RGS7: variants seen among roughly 807,000 people sequenced by gnomAD.
The protein encoded by RGS7 is regulator of G-protein signaling 7.
In RGS7, 27 loss-of-function variants were observed where a neutral mutation model predicts 81.1. The observed-to-expected ratio is 0.33, with a 90% CI of 0.25 to 0.46. RGS7 has a LOEUF of 0.46. RGS7 is among the 20% of genes least tolerant of loss of function. RGS7 has a pLI of 1.00. For synonymous variants in RGS7, 208 were observed against 207.7 expected (o/e 1.00, Z -0.01); for missense variants, 396 against 607.4 (o/e 0.65, Z 3.66).
At chr1:241,208,050 C>T (rs746991780) in intron 2 of RGS7, among the ~76,000 whole-genome samples, 2 of 152,014 alleles carry the variant, frequency 1.3e-5, no homozygotes, top group Non-Finnish European at 2.9e-5. Context: ...GGAATACAGG[C>T]GCCCGCCACT....
chr1:240,798,441 T>C (rs1315844944), intron 18 of RGS7, among the ~76,000 whole-genome samples: 2 of 152,126 alleles, frequency 1.3e-5, no homozygotes, highest in Admixed American at 6.5e-5. Context: ...TAGGCACGCA[T>C]TGGAAATGGA....
intron 2 of RGS7, among the ~76,000 whole-genome samples, chr1:241,101,296 G>C (rs987703223): frequency 1.8e-4 from 27 of 152,154 alleles, no homozygotes; most frequent in Admixed American, 1.8e-3. Flanking sequence ...AAGAGTTCCA[G>C]ACCAGCCTGG....
intron 10 of RGS7, among the ~76,000 whole-genome samples, chr1:240,825,706 G>C (rs1453985311): frequency 6.6e-6 from 1 of 152,110 alleles, no homozygotes; most frequent in Non-Finnish European, 1.5e-5. Flanking sequence ...TTAAATGAGG[G>C]CTGATGGTAT....
At chr1:241,324,123 A>G (rs899336919) in intron 2 of RGS7, among the ~76,000 whole-genome samples, 1 of 152,228 alleles carries the variant, frequency 6.6e-6, no homozygotes. Flanking sequence ...GATCAGGAGC[A>G]TGATGGTGAC....
chr1:241,157,399 T>C (rs115273622), intron 2 of RGS7, among the ~76,000 whole-genome samples: 32 of 152,310 alleles, frequency 2.1e-4, no homozygotes, highest in African/African-American at 7.5e-4. Context: ...TCCCCCTACA[T>C]AGGCTTCCCT....
At chr1:240,988,582 C>A (rs2148580333) in intron 3 of RGS7, among the ~76,000 whole-genome samples, 1 of 152,222 alleles carries the variant, frequency 6.6e-6, no homozygotes, top group South Asian at 2.1e-4. Context: ...CTAAGAATAA[C>A]ATTTTGTTTA....
chr1:241,100,243 C>T (rs2064624585), intron 2 of RGS7, among the ~76,000 whole-genome samples: 1 of 151,902 alleles, frequency 6.6e-6, no homozygotes, highest in Non-Finnish European at 1.5e-5. Context: ...GGCGCGGTGG[C>T]AGGCGCCTGT....
intron 6 of RGS7, chr1:240,920,172 T>G (rs1572765867): frequency 9.8e-7 from 1 of 1,015,684 alleles, no homozygotes; most frequent in East Asian, 2.4e-5. Context: ...TGGCCACAAC[T>G]GTGAAGTTAG....
intron 6 of RGS7, among the ~76,000 whole-genome samples, chr1:240,895,516 C>G (rs975484983): frequency 3.3e-5 from 5 of 152,056 alleles, no homozygotes; most frequent in African/African-American, 1.2e-4. Context: ...CAATTCCCAC[C>G]TATGAGTGAG....
chr1:240,911,614 A>G (rs941711784), intron 6 of RGS7, among the ~76,000 whole-genome samples: 1 of 152,204 alleles, frequency 6.6e-6, no homozygotes, highest in Non-Finnish European at 1.5e-5. Context: ...CTATAGCTAA[A>G]CATCCAGCTA....
rs146992753 is a variant in RGS7 at position 241,144,258 on chromosome 1, C to A, written c.79-45496G>T. 6.6e-6 allele frequency among the ~76,000 whole-genome samples: 1 copy of A among 152,072 alleles called. No homozygotes were observed. The highest frequency in any genetic ancestry group is 2.1e-4 in the South Asian group (1 of 4,826). On this transcript the variant is annotated intron_variant, in intron 2 of 18. Coordinates refer to ENST00000440928, the MANE Select transcript of RGS7 (RefSeq NM_001364886.1). This position sits in a 1 kb window ranked among gnomAD's most constrained non-coding sequence, Gnocchi z 4.7. ...ATCCAAATTGACATACATGTGCTGG[C>A]GCATATGTTGTTTATTTCTCTGCTG...
chr1:240,956,364 T>C (rs1680418174), intron 4 of RGS7, among the ~76,000 whole-genome samples: 1 of 125,292 alleles, frequency 8.0e-6, no homozygotes, highest in Non-Finnish European at 1.6e-5. Context: ...TATCCCAAAG[T>C]ACCAAAAACA....
intron 2 of RGS7, among the ~76,000 whole-genome samples, chr1:241,236,029 G>A (rs1248426081): frequency 6.6e-6 from 1 of 151,516 alleles, no homozygotes. Flanking sequence ...CATTTTATTT[G>A]TTCACATGTT....
chr1:240,862,462 C>T (rs1203277852), intron 9 of RGS7, among the ~76,000 whole-genome samples: 1 of 152,036 alleles, frequency 6.6e-6, no homozygotes, highest in East Asian at 1.9e-4. Flanking sequence ...AATAAATGCT[C>T]GTGTCAAATC....
intron 18 of RGS7, among the ~76,000 whole-genome samples, chr1:240,790,180 C>T (rs932884180): frequency 4.6e-5 from 7 of 151,666 alleles, no homozygotes; most frequent in Non-Finnish European, 7.4e-5. Flanking sequence ...TGCAGGGAGC[C>T]GAAATCACGC....
chr1:241,131,228 G>GA (rs1267292670), intron 2 of RGS7, among the ~76,000 whole-genome samples: 4 of 151,646 alleles, frequency 2.6e-5, no homozygotes, highest in South Asian at 4.2e-4. Context: ...TAGCACATAG[G>GA]AAAAAAAAGC....
intron 2 of RGS7, among the ~76,000 whole-genome samples, chr1:241,126,724 G>T (rs1037103383): frequency 6.6e-6 from 1 of 151,992 alleles, no homozygotes; most frequent in Admixed American, 6.5e-5. Flanking sequence ...GAAAGTGCCC[G>T]GTACAGAGAA....
At chr1:241,113,374 T>C (rs2065664896) in intron 2 of RGS7, among the ~76,000 whole-genome samples, 2 of 152,198 alleles carry the variant, frequency 1.3e-5, no homozygotes, top group South Asian at 4.1e-4. Flanking sequence ...TTGGTAATTG[T>C]TAAAGTCATA....
intron 6 of RGS7, among the ~76,000 whole-genome samples, chr1:240,918,519 C>T (rs1303281246): frequency 1.3e-5 from 2 of 151,602 alleles, no homozygotes; most frequent in Admixed American, 6.6e-5. Context: ...GAAGAAGTCT[C>T]GGGAGAAATT....
Sources: allele counts gnomAD v4.1 joint callset (sites outside exome capture counted in the v4.1 genomes callset), GRCh38; gene constraint gnomAD v4.1.1; non-coding constraint Gnocchi (gnomAD v3.1); transcripts MANE v1.5; gene names NCBI Gene and HGNC (gene_info 2026-07-23, HGNC 2026-07-21).